WDR27: variants seen among roughly 807,000 people sequenced by gnomAD.
The protein encoded by WDR27 is WD repeat-containing protein 27.
WDR27 carries 100 observed loss-of-function variants against 114.4 expected under a neutral mutation model. The ratio of observed to expected loss-of-function variants is 0.87; its 90% CI spans 0.74 to 1.03. WDR27 has a LOEUF of 1.03. Among genes scored for constraint, WDR27 ranks in the 50% least tolerant of loss-of-function variants. The pLI, the probability that WDR27 is intolerant of heterozygous loss-of-function variation, is 0.00. For synonymous variants in WDR27, 449 were observed against 423.1 expected (o/e 1.06, Z -0.75); for missense variants, 1,129 against 1,092.9 (o/e 1.03, Z -0.47).
At chr6:169,480,682 A>G (rs953532653) in intron 25 of WDR27, among the ~76,000 whole-genome samples, 1 of 151,936 alleles carries the variant, frequency 6.6e-6, no homozygotes, top group Non-Finnish European at 1.5e-5. Flanking sequence ...AAATGCACCA[A>G]TCAGCACCCT....
chr6:169,627,591 GC>G (rs1295550670), intron 21 of WDR27, among the ~76,000 whole-genome samples: 1 of 152,246 alleles, frequency 6.6e-6, no homozygotes, highest in Non-Finnish European at 1.5e-5. Flanking sequence ...CCCGAGGCGA[GC>G]CAGGCCCAGC....
intron 25 of WDR27, among the ~76,000 whole-genome samples, chr6:169,461,356 T>C (rs1198981296): frequency 2.6e-5 from 4 of 152,004 alleles, no homozygotes; most frequent in African/African-American, 7.3e-5. Context: ...AAATAGATCA[T>C]ATGTTAAGCC....
chr6:169,695,205 T>A (rs947630621), intron 1 of WDR27, among the ~76,000 whole-genome samples: 3 of 152,132 alleles, frequency 2.0e-5, no homozygotes, highest in African/African-American at 7.2e-5. Flanking sequence ...AAGAGCAGGG[T>A]TTAAACAAAT....
chr6:169,569,232 A>G (rs1232896941), intron 25 of WDR27, among the ~76,000 whole-genome samples: 1 of 121,640 alleles, frequency 8.2e-6, no homozygotes, highest in Non-Finnish European at 1.6e-5. Flanking sequence ...TAAATTTAAA[A>G]TTCAATTCAT....
At chr6:169,643,614 A>G in intron 17 of WDR27, 83 bp downstream of exon 17, 1 of 1,168,138 alleles carries the variant, frequency 8.6e-7, no homozygotes, top group Non-Finnish European at 1.2e-6. Context: ...AGGAAACAAA[A>G]GTGTCCTTTA....
rs763445192 is a variant in WDR27 at position 169,688,838 on chromosome 6, GT to G, written c.167del (p.Asn56ThrfsTer10). On this transcript the variant is annotated frameshift_variant, in exon 2 of 26. Transcript: ENST00000448612. LOFTEE classifies it high-confidence loss of function. ...ATACCTGATGAGAAGGATCCTTAGT[GT>G]TCCATATACAAAGTTCAGTTCCATC... The part of the protein sequence containing the change: ...PLDGTELCIW[N>X]TKDPSHQLLI... The G allele has an allele frequency of 1.2e-6, 2 of 1,609,810 alleles. No homozygotes were observed. The highest frequency in any genetic ancestry group is 3.4e-5 in the Admixed American group (2 of 59,152).
chr6:169,522,914 G>C (rs1424591383), intron 25 of WDR27, among the ~76,000 whole-genome samples: 2 of 151,670 alleles, frequency 1.3e-5, no homozygotes, highest in Non-Finnish European at 3.0e-5. Context: ...AAAGAGGAAA[G>C]AAAGAATAAA....
chr6:169,613,545 C>T lies in WDR27; in HGVS notation c.2321+14G>A, dbSNP rs758126139. ...CTCCCCACCCCTGCAGTGCAGGGCG[C>T]AGGACAGCCTTACCTCAGGGTTCTC... On this transcript the variant is annotated intron_variant, in intron 22 of 25. Coordinates refer to ENST00000448612, the MANE Select transcript of WDR27 (RefSeq NM_182552.5). 6.2e-7 allele frequency: 1 copy of T among 1,610,828 alleles called. No individual in the cohort carries two copies. Among genetic ancestry groups the T allele is most frequent in the Non-Finnish European group, 8.5e-7 (1 of 1,177,164 alleles).
chr6:169,476,784 A>G (rs73789961), intron 25 of WDR27, among the ~76,000 whole-genome samples: 2,495 of 152,328 alleles, frequency 0.016, 67 homozygotes, highest in African/African-American at 0.057. Flanking sequence ...TTGTAACTAG[A>G]TACTGCATGC....
At chr6:169,571,146 G>GATA (rs1554294202) in intron 25 of WDR27, among the ~76,000 whole-genome samples, 1 of 151,906 alleles carries the variant, frequency 6.6e-6, no homozygotes, top group Non-Finnish European at 1.5e-5. Flanking sequence ...TTTCCTCCAG[G>GATA]TATATGCTTA....
chr6:169,624,165 G>GGCGTCAGGTGTGCA (rs1319354181), intron 21 of WDR27, among the ~76,000 whole-genome samples: 1 of 151,270 alleles, frequency 6.6e-6, no homozygotes. Flanking sequence ...TCAGGTGTGT[G>GGCGTCAGGTGTGCA]GCGTCAGGTG....
intron 25 of WDR27, among the ~76,000 whole-genome samples, chr6:169,560,533 A>C (rs1030820247): frequency 5.3e-5 from 8 of 152,216 alleles, no homozygotes; most frequent in African/African-American, 1.9e-4. Flanking sequence ...CCTGACGGGA[A>C]GGCACCAAGG....
At chr6:169,627,331 T>C (rs767108550) in intron 21 of WDR27, among the ~76,000 whole-genome samples, 19 of 152,222 alleles carry the variant, frequency 1.2e-4, no homozygotes, top group Non-Finnish European at 2.6e-4. Context: ...TCCAAGTCAA[T>C]GCCTTTTTAC....
intron 1 of WDR27, among the ~76,000 whole-genome samples, chr6:169,697,954 C>G (rs1351909049): frequency 2.0e-5 from 3 of 152,200 alleles, no homozygotes; most frequent in African/African-American, 7.2e-5. Context: ...GAGAGACCCA[C>G]TGACCCTGCG....
At chr6:169,645,024 A>AT (rs1820220047) in intron 16 of WDR27, among the ~76,000 whole-genome samples, 1 of 39,638 alleles carries the variant, frequency 2.5e-5, no homozygotes, top group African/African-American at 3.9e-4. Flanking sequence ...AAAAAAAAAT[A>AT]AAAAAAAAAA....
intron 24 of WDR27, among the ~76,000 whole-genome samples, chr6:169,576,345 C>T (rs1802333994): frequency 6.6e-6 from 1 of 152,204 alleles, no homozygotes; most frequent in Admixed American, 6.5e-5. Context: ...GGCCATGCTC[C>T]GAGATGAAGG....
chr6:169,611,323 TGAGAC>T (rs1810475159), intron 22 of WDR27, among the ~76,000 whole-genome samples: 1 of 150,396 alleles, frequency 6.6e-6, no homozygotes, highest in African/African-American at 2.4e-5. Flanking sequence ...TTTTTTTTTT[TGAGAC>T]AGAGTCTCAC....
chr6:169,592,919 G>T (rs574922861), intron 23 of WDR27, among the ~76,000 whole-genome samples: 1 of 152,310 alleles, frequency 6.6e-6, no homozygotes, highest in East Asian at 1.9e-4. Flanking sequence ...ATGGTTATAA[G>T]AGTCCTCTTT....
the WDR27 span, among the ~76,000 whole-genome samples, chr6:169,445,359 G>T: frequency 2.0e-5 from 3 of 152,074 alleles, no homozygotes; most frequent in East Asian, 1.9e-4. Flanking sequence ...TCCACCGCAG[G>T]TCATGATCAT....
Sources: allele counts gnomAD v4.1 joint callset (sites outside exome capture counted in the v4.1 genomes callset), GRCh38; gene constraint gnomAD v4.1.1; transcripts MANE v1.5; gene names NCBI Gene and HGNC (gene_info 2026-07-23, HGNC 2026-07-21).